The following CDH13 variants were observed in gnomAD, a reference collection of about 807,000 sequenced individuals.
CDH13 encodes the protein cadherin-13.
Under a neutral mutation model 63.8 loss-of-function variants are expected in CDH13, and 24 were observed. The ratio of observed to expected loss-of-function variants is 0.38; its 90% CI spans 0.27 to 0.53. The LOEUF (loss-of-function observed/expected upper bound fraction) is 0.53, where lower values mean the gene tolerates loss of function less well. CDH13 is among the 20% of genes least tolerant of loss of function. The pLI is 0.85. For synonymous variants in CDH13, 503 were observed against 355.3 expected, an observed-to-expected ratio of 1.42 and a Z score of -4.67; for missense variants, 1,049 against 903.1, an observed-to-expected ratio of 1.16 and a Z score of -2.07.
At chr16:82,769,547 C>T (rs1267601493) in intron 1 of CDH13, among the ~76,000 whole-genome samples, 1 of 152,160 alleles carries the variant, frequency 6.6e-6, no homozygotes, top group Non-Finnish European at 1.5e-5. Context: ...TTGAAGAGGA[C>T]ATTAGTGGCC....
chr16:82,742,901 T>A (rs1200819865), intron 1 of CDH13, among the ~76,000 whole-genome samples: 1 of 152,210 alleles, frequency 6.6e-6, no homozygotes, highest in Non-Finnish European at 1.5e-5. Context: ...ATTGGTTTAA[T>A]TCCAGCACAT....
intron 5 of CDH13, among the ~76,000 whole-genome samples, chr16:83,258,317 T>G (rs1906537352): frequency 6.6e-6 from 1 of 152,232 alleles, no homozygotes; most frequent in South Asian, 2.1e-4. Flanking sequence ...CAGCACCCTA[T>G]TGGAAATGGC....
intron 1 of CDH13, among the ~76,000 whole-genome samples, chr16:82,838,787 G>T (rs2038879367): frequency 6.6e-6 from 1 of 152,162 alleles, no homozygotes; most frequent in South Asian, 2.1e-4. Context: ...CAAGTGTGAT[G>T]GGTCACTTCA....
intron 6 of CDH13, among the ~76,000 whole-genome samples, chr16:83,370,693 G>T (rs911919577): frequency 1.3e-5 from 2 of 152,080 alleles, no homozygotes; most frequent in East Asian, 1.9e-4. Flanking sequence ...TCAGTGTTTA[G>T]CTCCCACTTA....
intron 11 of CDH13, among the ~76,000 whole-genome samples, chr16:83,748,803 A>C (rs919517642): frequency 4.6e-5 from 7 of 152,194 alleles, no homozygotes; most frequent in African/African-American, 1.7e-4. Context: ...GCGCAGCAGT[A>C]AACAAAAAGA....
intron 2 of CDH13, among the ~76,000 whole-genome samples, chr16:82,885,987 G>T (rs1333943004): frequency 6.6e-6 from 1 of 151,910 alleles, no homozygotes; most frequent in Admixed American, 6.6e-5. Context: ...TTCAAGATCT[G>T]GTGAGAAAAC....
chr16:82,839,385 A>T (rs538681630), intron 1 of CDH13, among the ~76,000 whole-genome samples: 1 of 152,034 alleles, frequency 6.6e-6, no homozygotes, highest in African/African-American at 2.4e-5. Context: ...TCCTGCGTCC[A>T]TCTCTTGTCA....
At chr16:83,623,741 G>T (rs1910024871) in intron 8 of CDH13, among the ~76,000 whole-genome samples, 1 of 152,152 alleles carries the variant, frequency 6.6e-6, no homozygotes, top group African/African-American at 2.4e-5. Context: ...TGGCTGAAAA[G>T]AAAGTCTCAA....
intron 2 of CDH13, among the ~76,000 whole-genome samples, chr16:82,943,222 T>A (rs556261049): frequency 6.6e-6 from 1 of 152,188 alleles, no homozygotes; most frequent in Non-Finnish European, 1.5e-5. Context: ...ACTTTTTTTC[T>A]CATGCATAGA....
intron 5 of CDH13, among the ~76,000 whole-genome samples, chr16:83,274,039 C>G (rs1392372725): frequency 6.6e-6 from 1 of 152,222 alleles, no homozygotes; most frequent in Admixed American, 6.5e-5. Context: ...GGGTTAAGCT[C>G]TCTTCCAGCC....
At chr16:83,589,390 C>A (rs991021308) in intron 7 of CDH13, among the ~76,000 whole-genome samples, 4 of 146,346 alleles carry the variant, frequency 2.7e-5, no homozygotes, top group African/African-American at 1.0e-4. Flanking sequence ...ACACCATCTT[C>A]TCTGCTTCCA....
intron 2 of CDH13, among the ~76,000 whole-genome samples, chr16:82,985,222 G>T (rs1910783115): frequency 6.6e-6 from 1 of 152,170 alleles, no homozygotes; most frequent in Non-Finnish European, 1.5e-5. Context: ...GAACTGTAGT[G>T]TCAGTATCTC....
At chr16:82,627,244 C>T in intron 1 of CDH13, 107 bp downstream of exon 1, 1 of 964,280 alleles carries the variant, frequency 1.0e-6, no homozygotes, top group South Asian at 1.4e-5. Context: ...CCTCCGGTCG[C>T]GGCGGCGAAG....
intron 6 of CDH13, among the ~76,000 whole-genome samples, chr16:83,435,646 C>T (rs2072273141): frequency 6.6e-6 from 1 of 152,180 alleles, no homozygotes; most frequent in African/African-American, 2.4e-5. Context: ...AGTTGCTTTT[C>T]CCTGTACCTC....
chr16:83,249,383 C>G (rs1037029397), intron 5 of CDH13, among the ~76,000 whole-genome samples: 1 of 152,192 alleles, frequency 6.6e-6, no homozygotes, highest in Non-Finnish European at 1.5e-5. Context: ...CAAGGATTGT[C>G]TTACTTCTTC....
chr16:82,684,027 C>T (rs989051434), intron 1 of CDH13, among the ~76,000 whole-genome samples: 6 of 152,192 alleles, frequency 3.9e-5, no homozygotes, highest in Non-Finnish European at 8.8e-5. Context: ...CCTGTCTACC[C>T]CTTCCCAAGG....
intron 1 of CDH13, among the ~76,000 whole-genome samples, chr16:82,744,428 G>A (rs560324135): frequency 4.3e-4 from 66 of 152,190 alleles, no homozygotes; most frequent in African/African-American, 1.5e-3. Flanking sequence ...ATTGTTCCTC[G>A]GGTTCCTAGG....
At chr16:83,538,077 T>C (rs1002786318) in intron 7 of CDH13, among the ~76,000 whole-genome samples, 1 of 152,190 alleles carries the variant, frequency 6.6e-6, no homozygotes, top group Non-Finnish European at 1.5e-5. Flanking sequence ...GAATATGCGC[T>C]ATGTTTTTGC....
At position 83,798,343 on chromosome 16, in the gene CDH13, A is replaced by G. The variant is rs1904293268; in HGVS notation, c.*3313A>G. ...CAGATGATTCTGAGGAAAGGAGTCT[A>G]CAATTTTCCTAGGGGGTGTATGAAC... On this transcript the variant is annotated 3_prime_UTR_variant, in exon 14 of 14. Coordinates refer to ENST00000567109, the MANE Select transcript of CDH13 (RefSeq NM_001257.5). 1 of 152,234 alleles carries G rather than the reference A, an allele frequency of 6.6e-6. No individual in the cohort carries two copies. The highest frequency in any genetic ancestry group is 6.5e-5 in the Admixed American group (1 of 15,282). The allele number at this position is 152,234 out of a possible 1,614,324, so 9.4% of individuals were successfully genotyped here.
Sources: gnomAD v4.1 joint callset for allele counts (sites outside exome capture counted in the v4.1 genomes callset) on GRCh38, gnomAD v4.1.1 for gene constraint, MANE v1.5 for transcripts, NCBI Gene and HGNC (gene_info 2026-07-23, HGNC 2026-07-21) for gene names.